Variants in CCDC88A observed in about 807,000 individuals in gnomAD.
CCDC88A encodes the protein girdin.
In CCDC88A, 54 loss-of-function variants were observed where a neutral mutation model predicts 234.3. That is an observed-to-expected ratio of 0.23 (90% CI 0.19 to 0.29). CCDC88A has a LOEUF of 0.29. CCDC88A is among the 10% of genes least tolerant of loss of function. CCDC88A has a pLI of 1.00. For synonymous variants in CCDC88A, 753 were observed against 737.8 expected, an observed-to-expected ratio of 1.02 and a Z score of -0.33; for missense variants, 1,832 against 2,123.4, an observed-to-expected ratio of 0.86 and a Z score of 2.70.
In CCDC88A at chr2:55,351,331, T is replaced by C. The variant is rs944437205; in HGVS notation, c.801-1732A>G. On this transcript the variant is annotated intron_variant, in intron 8 of 32. Transcript: ENST00000436346. ...GAACTGCTTGGGACCCAGAAGTATTTAGAATTTTTTTCAGGTTTTTTTTTT... is the reference window on the plus strand; with the variant it reads ...GAACTGCTTGGGACCCAGAAGTATTCAGAATTTTTTTCAGGTTTTTTTTTT... 7.2e-5 allele frequency among the ~76,000 whole-genome samples: 11 copies of C among 151,952 alleles called. No homozygotes were observed. The South Asian group carries it at 8.3e-4, about 11-fold the overall frequency.
chr2:55,404,367 A>G (rs1367432002), intron 2 of CCDC88A: 1 of 152,198 alleles, frequency 6.6e-6, no homozygotes, highest in East Asian at 1.9e-4. Context: ...ATAAATTTCT[A>G]TTAGTGAGAG....
chr2:55,346,013 A>G (rs1444216663), intron 10 of CCDC88A, 162 bp downstream of exon 10: 4 of 496,742 alleles, frequency 8.1e-6, no homozygotes, highest in Non-Finnish European at 1.1e-5. Flanking sequence ...TAAAAGTCTA[A>G]CTAAAAGCAA....
chr2:55,295,286 A>G (rs2589110), intron 31 of CCDC88A: 1,331,568 of 1,402,938 alleles, frequency 0.95, 632,710 homozygotes, highest in Admixed American at 0.98. Context: ...TTATTCTGAT[A>G]ACTGGCCTAG....
rs34218112 is a variant in CCDC88A, at chr2:55,399,526, CA to C, written c.165-10641del. Among the ~76,000 whole-genome samples the C allele has an allele frequency of 3.4e-3, 303 of 88,444 alleles. 2 individuals are homozygous for C. Among genetic ancestry groups the C allele is most frequent in the Admixed American group, 0.012 (95 of 7,880 alleles). 58.0% of individuals were successfully genotyped at this position (88,444 alleles called of 152,430 possible). A position where few individuals can be genotyped will look rare whatever the true frequency, so the allele number is the denominator to read the frequency against. On this transcript the variant is annotated intron_variant, in intron 2 of 32. Coordinates refer to ENST00000436346, the MANE Select transcript of CCDC88A (RefSeq NM_001365480.1). ...TGGGCGACAGAATGAGACTCTGTCT[CA>C]AAAAAAAAAAAAAAAAAGTGGCACT... is the stretch of plus-strand genomic sequence containing the variant.
At chr2:55,367,215 A>G (rs1181982814) in intron 5 of CCDC88A, among the ~76,000 whole-genome samples, 6 of 152,194 alleles carry the variant, frequency 3.9e-5, no homozygotes, top group Non-Finnish European at 4.4e-5. Flanking sequence ...TCATAGAGAC[A>G]TAAAGTAAAA....
intron 22 of CCDC88A, 104 bp from the exon 23 acceptor site, chr2:55,312,683 G>T: frequency 1.3e-6 from 1 of 786,240 alleles, no homozygotes; most frequent in Non-Finnish European, 2.0e-6. Context: ...TCCACTGTTT[G>T]AACAATTAGA....
intron 2 of CCDC88A, among the ~76,000 whole-genome samples, chr2:55,396,573 T>TA (rs1007875017): frequency 7.9e-5 from 12 of 151,048 alleles, no homozygotes; most frequent in South Asian, 4.2e-4. Flanking sequence ...AAGTCTGACT[T>TA]AAAAAAAAAG....
Position 55,334,138 on chromosome 2 carries a change from T to C in CCDC88A, c.2683A>G (p.Lys895Glu). ...ELEKENKELV[K>E]RATIDIKTLV... ...GTTTTTATATCAATAGTTGCTCTTT[T>C]CACAAGCTCCTTATTTTCTTTTTCT... The change falls in exon 15 of 33, where the codon AAA (lysine) becomes GAA (glutamate). Residue 895 changes from lysine to glutamate, a missense_variant. Lys to Glu is a moderately conservative substitution (Grantham distance 56, BLOSUM62 1). Around this residue, in one of 6 missense-constraint regions of CCDC88A, gnomAD observed 1,282 missense variants for 1,543.6 expected, o/e 0.83. Coordinates refer to ENST00000436346, the MANE Select transcript of CCDC88A (RefSeq NM_001365480.1). The surrounding 1 kb of genome is among the most constrained non-coding windows in gnomAD (Gnocchi z 6.1). 1 of 1,337,314 alleles carries C rather than the reference T, an allele frequency of 7.5e-7. No individual in the cohort carries two copies. Among genetic ancestry groups the C allele is most frequent in the East Asian group, 2.7e-5 (1 of 36,480 alleles). 82.8% of individuals were successfully genotyped at this position (1,337,314 alleles called of 1,614,324 possible).
intron 2 of CCDC88A, among the ~76,000 whole-genome samples, chr2:55,400,211 C>A (rs1678377725): frequency 6.6e-6 from 1 of 152,074 alleles, no homozygotes; most frequent in African/African-American, 2.4e-5. Context: ...GCATACTATA[C>A]CATTTTTTTC....
intron 2 of CCDC88A, among the ~76,000 whole-genome samples, chr2:55,395,902 A>G (rs776203806): frequency 1.3e-5 from 2 of 152,232 alleles, no homozygotes; most frequent in East Asian, 3.8e-4. Flanking sequence ...GAGTCTCTCA[A>G]ATAAAAGCAT....
chr2:55,297,974 T>G (rs1680397717), intron 29 of CCDC88A, among the ~76,000 whole-genome samples: 1 of 152,224 alleles, frequency 6.6e-6, no homozygotes, highest in South Asian at 2.1e-4. Context: ...TTATTCTTTT[T>G]TAAATGTCTT....
At position 55,328,085 on chromosome 2, in the gene CCDC88A, A is replaced by G. The variant is rs1684480297; in HGVS notation, c.2997+209T>C. Among the ~76,000 whole-genome samples the G allele has an allele frequency of 6.6e-6, 1 of 152,218 alleles. No homozygotes were observed. The highest frequency in any genetic ancestry group is 1.5e-5 in the Non-Finnish European group (1 of 68,030). ...GATATATCCCTAACAGCAGGCAGGAATATTACACACATGAAATAGCACTGA... is the reference window on the plus strand; with the variant it reads ...GATATATCCCTAACAGCAGGCAGGAGTATTACACACATGAAATAGCACTGA... On this transcript the variant is annotated intron_variant, in intron 17 of 32. Transcript: ENST00000436346. The surrounding 1 kb of genome is among the most constrained non-coding windows in gnomAD (Gnocchi z 4.3).
At chr2:55,403,504 A>G (rs187557117) in intron 2 of CCDC88A, 1 of 152,352 alleles carries the variant, frequency 6.6e-6, no homozygotes, top group East Asian at 1.9e-4. Context: ...TGCCCACACA[A>G]TTTGGTACAA....
intron 3 of CCDC88A, 54 bp from the exon 4 acceptor site, chr2:55,374,937 TTCA>T (rs1673396616): frequency 1.9e-6 from 2 of 1,026,888 alleles, no homozygotes; most frequent in South Asian, 2.8e-5. Context: ...TAGATAATTA[TTCA>T]TCAAGCTATA....
rs370075562 is a variant in CCDC88A, at chr2:55,419,130, G to A, written c.-51C>T. On this transcript the variant is annotated 5_prime_UTR_variant, in exon 1 of 33. Coordinates refer to ENST00000436346, the MANE Select transcript of CCDC88A (RefSeq NM_001365480.1). Reference sequence around the variant, plus strand: ...GGAACTACCACAAAAATACGCCTAGGGAATTGGTCACTAAACGTGGAAGTA... The same window carrying A: ...GGAACTACCACAAAAATACGCCTAGAGAATTGGTCACTAAACGTGGAAGTA... 1.5e-4 allele frequency: 158 copies of A among 1,086,306 alleles called. No homozygotes were observed. Among genetic ancestry groups the A allele is most frequent in the Non-Finnish European group, 2.2e-4 (153 of 710,198 alleles). The allele number at this position is 1,086,306 out of a possible 1,614,324, so 67.3% of individuals were successfully genotyped here.
Position 55,295,589 on chromosome 2 carries a change from G to GT in CCDC88A, c.5551+7dup, listed in dbSNP as rs2104549309. ...TATGAGAGGACCACTGGTGTAAATG[G>GT]TACTCACTAGATGCTGCAGTGGTGT... On this transcript the variant is annotated splice_region_variant and intron_variant, in intron 31 of 32. Coordinates refer to ENST00000436346, the MANE Select transcript of CCDC88A (RefSeq NM_001365480.1). The GT allele has an allele frequency of 1.2e-6, 2 of 1,614,080 alleles. No homozygotes were observed. Among genetic ancestry groups the GT allele is most frequent in the African/African-American group, 1.3e-5 (1 of 75,012 alleles).
chr2:55,355,103 C>G (rs1027765787), intron 8 of CCDC88A, among the ~76,000 whole-genome samples: 1 of 151,608 alleles, frequency 6.6e-6, no homozygotes, highest in Non-Finnish European at 1.5e-5. Context: ...TTACTAAGTA[C>G]GTAACTCAGG....
intron 3 of CCDC88A, among the ~76,000 whole-genome samples, chr2:55,380,084 A>G (rs1373317389): frequency 6.7e-6 from 1 of 150,020 alleles, no homozygotes; most frequent in Non-Finnish European, 1.5e-5. Flanking sequence ...AAAAAAAAAA[A>G]AAATAGCTGC....
chr2:55,303,787 G>A (rs529451104), intron 25 of CCDC88A, among the ~76,000 whole-genome samples: 1 of 152,124 alleles, frequency 6.6e-6, no homozygotes, highest in Non-Finnish European at 1.5e-5. Flanking sequence ...AGTCGTAAAG[G>A]TAAACCTTTA....
Sources: allele counts gnomAD v4.1 joint callset (sites outside exome capture counted in the v4.1 genomes callset), GRCh38; gene constraint gnomAD v4.1.1; regional missense constraint gnomAD v4.1.1; non-coding constraint Gnocchi (gnomAD v3.1); transcripts MANE v1.5; gene names NCBI Gene and HGNC (gene_info 2026-07-23, HGNC 2026-07-21).